WWC1: variants seen among roughly 807,000 people sequenced by gnomAD.
WWC1 encodes the protein protein KIBRA.
In WWC1, 55 loss-of-function variants were observed where a neutral mutation model predicts 138.4. The observed-to-expected ratio is 0.40, with a 90% confidence interval of 0.32 to 0.50. WWC1 has a LOEUF of 0.50. Ranked by LOEUF, WWC1 falls within the 20% of genes least tolerant of loss-of-function variation. WWC1 has a pLI of 0.72. For missense variants in WWC1, 1,226 were observed against 1,420.4 expected (o/e 0.86, Z 2.20); for synonymous variants, 524 against 564.9 (o/e 0.93, Z 1.03).
chr5:168,396,449 G>A (rs573203554), intron 3 of WWC1, among the ~76,000 whole-genome samples: 51 of 152,292 alleles, frequency 3.3e-4, no homozygotes, highest in African/African-American at 8.4e-4. Context: ...CATGTGAACA[G>A]GAAAGAGTGT....
chr5:168,353,644 A>G (rs1775165769), intron 1 of WWC1, among the ~76,000 whole-genome samples: 1 of 152,226 alleles, frequency 6.6e-6, no homozygotes, highest in African/African-American at 2.4e-5. Flanking sequence ...CTGTTCCTCC[A>G]TCACTCGCTG....
chr5:168,358,677 A>G (rs545101810), intron 1 of WWC1, among the ~76,000 whole-genome samples: 41 of 152,198 alleles, frequency 2.7e-4, no homozygotes, highest in Admixed American at 6.5e-4. Context: ...ATAAGCTAAT[A>G]TGTTGCATTG....
chr5:168,312,682 C>A (rs900732981), intron 1 of WWC1, among the ~76,000 whole-genome samples: 32 of 152,208 alleles, frequency 2.1e-4, no homozygotes, highest in Admixed American at 1.9e-3. Context: ...ATGAGAGATG[C>A]TGAGTTGAAA....
chr5:168,403,994 C>T (rs1367029496), intron 5 of WWC1, among the ~76,000 whole-genome samples: 2 of 152,168 alleles, frequency 1.3e-5, no homozygotes, highest in African/African-American at 2.4e-5. Flanking sequence ...CCCTCCCCAC[C>T]CAGCTTCATC....
chr5:168,404,463 C>G (rs910293046), intron 5 of WWC1, among the ~76,000 whole-genome samples: 2 of 152,226 alleles, frequency 1.3e-5, no homozygotes, highest in Non-Finnish European at 2.9e-5. Context: ...TTTGTTTTCT[C>G]TCCATGGAGG....
At chr5:168,305,763 A>G (rs1770502215) in intron 1 of WWC1, among the ~76,000 whole-genome samples, 1 of 152,188 alleles carries the variant, frequency 6.6e-6, no homozygotes, top group African/African-American at 2.4e-5. Flanking sequence ...TAGACTCGTC[A>G]GATCACTGGA....
At chr5:168,420,503 G>T (rs751294827) in intron 9 of WWC1, among the ~76,000 whole-genome samples, 1 of 152,086 alleles carries the variant, frequency 6.6e-6, no homozygotes, top group Non-Finnish European at 1.5e-5. Flanking sequence ...GTAGGATTTC[G>T]GGGGACAAAA....
At chr5:168,335,921 C>A (rs981728264) in intron 1 of WWC1, among the ~76,000 whole-genome samples, 2 of 152,216 alleles carry the variant, frequency 1.3e-5, no homozygotes, top group East Asian at 3.8e-4. Context: ...CTTTCCTCCC[C>A]CTAAGGGGAG....
At chr5:168,412,169 T>C (rs1161368817) in intron 8 of WWC1, 2 of 985,470 alleles carry the variant, frequency 2.0e-6, no homozygotes, top group Non-Finnish European at 2.4e-6. Flanking sequence ...GTGCTCTCTC[T>C]GGAGTTGAGC....
intron 5 of WWC1, among the ~76,000 whole-genome samples, chr5:168,403,871 TACACACACACACACACACACACACACAC>T (rs57788100): frequency 7.4e-6 from 1 of 134,368 alleles, no homozygotes; most frequent in South Asian, 2.5e-4. Flanking sequence ...AACACATGCA[TACACACACACACACACACACACACACAC>T]ACACACACAC....
At chr5:168,380,964 A>G (rs547340225) in intron 2 of WWC1, among the ~76,000 whole-genome samples, 2 of 152,104 alleles carry the variant, frequency 1.3e-5, no homozygotes, top group Admixed American at 6.6e-5. Context: ...GGGTGAGTAG[A>G]GGAAATTGCC....
intron 13 of WWC1, among the ~76,000 whole-genome samples, chr5:168,429,832 G>A (rs931798893): frequency 2.0e-5 from 3 of 152,080 alleles, no homozygotes; most frequent in African/African-American, 7.2e-5. Context: ...CTACTTGAGA[G>A]GCTGAGGTGG....
At chr5:168,415,815 CGTGTGTGTGTGTGTGTGTGT>C (rs56223676) in intron 9 of WWC1, 1 of 6,562 alleles carries the variant, frequency 1.5e-4, no homozygotes, top group African/African-American at 8.0e-4. Flanking sequence ...GGGGGGGGGG[CGTGTGTGTGTGTGTGTGTGT>C]GTGTGTGTGT....
intron 3 of WWC1, among the ~76,000 whole-genome samples, chr5:168,389,357 G>A (rs1778291778): frequency 6.6e-6 from 1 of 150,762 alleles, no homozygotes. Flanking sequence ...TGAGGCAGGA[G>A]AATCGCTTGC....
At chr5:168,382,595 G>A (rs532861212) in intron 2 of WWC1, among the ~76,000 whole-genome samples, 30 of 152,306 alleles carry the variant, frequency 2.0e-4, no homozygotes, top group African/African-American at 6.3e-4. Context: ...GGGGACCCAC[G>A]ATTCCTGAAC....
At chr5:168,328,556 T>C (rs1453158980) in intron 1 of WWC1, among the ~76,000 whole-genome samples, 1 of 152,126 alleles carries the variant, frequency 6.6e-6, no homozygotes, top group Non-Finnish European at 1.5e-5. Context: ...TTTTTTCTTT[T>C]CTTTTATTGA....
At chr5:168,322,421 G>A (rs911343283) in intron 1 of WWC1, among the ~76,000 whole-genome samples, 2 of 152,156 alleles carry the variant, frequency 1.3e-5, no homozygotes, top group African/African-American at 4.8e-5. Context: ...TCGACAAACA[G>A]GTGTGGCTGT....
intron 1 of WWC1, among the ~76,000 whole-genome samples, chr5:168,308,752 T>A (rs1770798111): frequency 6.6e-6 from 1 of 152,208 alleles, no homozygotes; most frequent in Non-Finnish European, 1.5e-5. Context: ...GGAATAGATT[T>A]GTGCCAAATT....
chr5:168,381,425 C>T (rs567541410), intron 2 of WWC1, among the ~76,000 whole-genome samples: 33 of 152,156 alleles, frequency 2.2e-4, no homozygotes, highest in Non-Finnish European at 4.1e-4. Flanking sequence ...GAGCCCGCAT[C>T]GCACCTGCCA....
Sources: allele counts gnomAD v4.1 joint callset (sites outside exome capture counted in the v4.1 genomes callset), GRCh38; gene constraint gnomAD v4.1.1; transcripts MANE v1.5; gene names NCBI Gene and HGNC (gene_info 2026-07-23, HGNC 2026-07-21).